The following ADCY6 variants were observed in gnomAD, a reference collection of about 807,000 sequenced individuals.
ADCY6 encodes the protein adenylate cyclase 6.
ADCY6 carries 59 observed loss-of-function variants against 111.6 expected under a neutral mutation model. The observed-to-expected ratio is 0.53, with a 90% CI of 0.43 to 0.66. The LOEUF is 0.66. Among genes scored for constraint, ADCY6 ranks in the 30% least tolerant of loss-of-function variants. The pLI, the probability that ADCY6 is intolerant of heterozygous loss-of-function variation, is 0.00. For synonymous variants in ADCY6, 576 were observed against 642.9 expected, an observed-to-expected ratio of 0.90 and a Z score of 1.57; for missense variants, 1,242 against 1,595.6, an observed-to-expected ratio of 0.78 and a Z score of 3.78.
chr12:48,773,874 C>A, intron 15 of ADCY6, 66 bp downstream of exon 15: 1 of 1,582,468 alleles, frequency 6.3e-7, no homozygotes, highest in Non-Finnish European at 8.6e-7. Flanking sequence ...ATCACCAGGC[C>A]TGGCACAGAA....
Position 48,768,731 on chromosome 12 carries a change from G to A in ADCY6, c.3382-15C>T, listed in dbSNP as rs746646364. 5 of 1,612,984 alleles carry A rather than the reference G, an allele frequency of 3.1e-6. No homozygotes were observed. In the Admixed American group the frequency reaches 6.7e-5, roughly 22 times the overall value. ...TCCGTGGTCACCTGGGGGAGTGGGA[G>A]GGGAGCCCGCTTAGCCTGGAATCCT... On this transcript the variant is annotated splice_polypyrimidine_tract_variant and intron_variant, in intron 21 of 21. Coordinates refer to ENST00000357869, the MANE Select transcript of ADCY6 (RefSeq NM_015270.5).
chr12:48,788,835 C>T (rs539971588), intron 1 of ADCY6, 71 bp downstream of exon 1: 1 of 152,188 alleles, frequency 6.6e-6, no homozygotes, highest in Non-Finnish European at 1.5e-5. Flanking sequence ...TCGAGAGCCG[C>T]TCGGGTGCGT....
Position 48,775,442 on chromosome 12 carries a change from G to A in ADCY6, c.1841C>T (p.Thr614Ile), listed in dbSNP as rs1289673444. ...IDDSSKDNRGTQDALNPEDEV... is the reference protein window; with the variant it reads ...IDDSSKDNRGIQDALNPEDEV... ...ATCCTCAGGGTTCAGGGCATCTTGG[G>A]TGCCCCGGCTGAGGGCAGGAGACAT... Residue 614 changes from threonine to isoleucine, a missense_variant, in exon 11 of 22, where the codon ACC becomes ATC. Thr to Ile is a moderately conservative substitution (Grantham distance 89). Coordinates refer to ENST00000357869, the MANE Select transcript of ADCY6 (RefSeq NM_015270.5). 1.2e-6 allele frequency: 2 copies of A among 1,614,088 alleles called. No homozygotes were observed. The highest frequency in any genetic ancestry group is 8.5e-7 in the Non-Finnish European group (1 of 1,179,998).
At position 48,773,558 on chromosome 12, in the gene ADCY6, G is replaced by C. The variant is rs376570686; in HGVS notation, c.2532C>G (p.Val844=). Residue 844 remains valine (V), a synonymous_variant, in exon 16 of 22, where the codon GTC becomes GTG. Transcript: ENST00000357869. The part of the protein sequence containing the change: ...SSIGKLAMIF[V]LGLIYLVLLL... Reference sequence around the variant, plus strand: ...GCAGCACCAAATAGATGAGCCCCAAGACAAAGATCATGGCCAACTTCCCGA... The same window carrying C: ...GCAGCACCAAATAGATGAGCCCCAACACAAAGATCATGGCCAACTTCCCGA... 2.5e-6 allele frequency: 4 copies of C among 1,614,030 alleles called. No homozygotes were observed. Among genetic ancestry groups the C allele is most frequent in the African/African-American group, 2.7e-5 (2 of 74,920 alleles).
rs764752154 is a variant in ADCY6, at chr12:48,774,683, T to C, written c.2166+8A>G. On this transcript the variant is annotated splice_region_variant and intron_variant, in intron 13 of 21. Coordinates refer to ENST00000357869, the MANE Select transcript of ADCY6 (RefSeq NM_015270.5). ...CTCCCCAACAGCCTCAGAAATCCCC[T>C]TACGTACAGAACCACAGGAGTACAC... The C allele has an allele frequency of 6.2e-7, 1 of 1,613,540 alleles. No homozygotes were observed. Among genetic ancestry groups the C allele is most frequent in the African/African-American group, 1.3e-5 (1 of 74,864 alleles).
chr12:48,783,261 C>T lies in ADCY6; in HGVS notation c.174G>A (p.Ala58=), dbSNP rs1363505692. 1.9e-6 allele frequency: 3 copies of T among 1,611,074 alleles called. No individual in the cohort carries two copies. Among genetic ancestry groups the T allele is most frequent in the Non-Finnish European group, 8.5e-7 (1 of 1,179,282 alleles). The change falls in exon 2 of 22, where the codon GCG becomes GCA. Residue 58 remains alanine, a synonymous_variant. Coordinates refer to ENST00000357869, the MANE Select transcript of ADCY6 (RefSeq NM_015270.5). ...RDAEPPSPTP[A]GPPRCPWQDD... ...CCTGCCAGGGGCACCGAGGGGGGCC[C>T]GCAGGGGTGGGGCTGGGTGGCTCTG...
In ADCY6 at chr12:48,773,456, A is replaced by G; in HGVS notation, c.2621+13T>C. ...AGCTCCTGGGGTATTAAAGGACCTG[A>G]GAATAAACTCACAAGCCATGGACGC... is the stretch of plus-strand genomic sequence containing the variant. On this transcript the variant is annotated intron_variant, in intron 16 of 21. Transcript: ENST00000357869. The G allele has an allele frequency of 1.2e-6, 2 of 1,612,516 alleles. No individual in the cohort carries two copies. The highest frequency in any genetic ancestry group is 2.2e-5 in the South Asian group (2 of 91,034).
Position 48,768,598 on chromosome 12 carries a change from CTGGGGCCCCCA to C in ADCY6, c.3489_3499del (p.Asn1163LysfsTer12). 2.5e-6 allele frequency: 4 copies of C among 1,614,116 alleles called. No homozygotes were observed. The highest frequency in any genetic ancestry group is 3.4e-6 in the Non-Finnish European group (4 of 1,179,998). On this transcript the variant is annotated frameshift_variant, in exon 22 of 22. Coordinates refer to ENST00000357869, the MANE Select transcript of ADCY6 (RefSeq NM_015270.5). LOFTEE classifies it high-confidence loss of function. ...ATTTGTGGCTGGGCCCTGTTAACTG[CTGGGGCCCCCA>C]TTGAGGAAGTAGGTGGTCATCTCCC...
In ADCY6 at chr12:48,770,911, GT is replaced by G; in HGVS notation, c.3110del (p.Tyr1037SerfsTer7). On this transcript the variant is annotated frameshift_variant, in exon 20 of 22. Coordinates refer to ENST00000357869, the MANE Select transcript of ADCY6 (RefSeq NM_015270.5). LOFTEE classifies it high-confidence loss of function. The stretch of plus-strand genomic sequence containing the variant: ...TGGCGTTCAGCCCTGAGGCAGCCAT[GT>G]AGGTGCTACCAATCGTCTTGATCTT... ...LEKIKTIGST[Y>X]MAASGLNAST... is the part of the protein sequence containing the mutation. 6.2e-7 allele frequency: 1 copy of G among 1,614,250 alleles called. No individual in the cohort carries two copies. Among genetic ancestry groups the G allele is most frequent in the Non-Finnish European group, 8.5e-7 (1 of 1,180,052 alleles).
chr12:48,780,343 G>A (rs1941811427), intron 2 of ADCY6, among the ~76,000 whole-genome samples: 1 of 152,156 alleles, frequency 6.6e-6, no homozygotes, highest in African/African-American at 2.4e-5. Flanking sequence ...ATTGTGAGTA[G>A]GGGTGGATCT....
In ADCY6 at chr12:48,768,403, A is replaced by T. The variant is rs369475047; in HGVS notation, c.*188T>A. 8.0e-6 allele frequency: 6 copies of T among 747,086 alleles called. No homozygotes were observed. Among genetic ancestry groups the T allele is most frequent in the South Asian group, 5.1e-5 (3 of 58,366 alleles). The allele number at this position is 747,086 out of a possible 1,614,324, so 46.3% of individuals were successfully genotyped here. On this transcript the variant is annotated 3_prime_UTR_variant, in exon 22 of 22. Coordinates refer to ENST00000357869, the MANE Select transcript of ADCY6 (RefSeq NM_015270.5). ...AAGTCACTTGCATAATCCTCTCGGT[A>T]GGTAGCCCCTTGTTTTCCAGCTTGA...
At chr12:48,778,899 G>C (rs1248661377) in intron 2 of ADCY6, among the ~76,000 whole-genome samples, 1 of 3,686 alleles carries the variant, frequency 2.7e-4, no homozygotes, top group Non-Finnish European at 9.3e-4. Context: ...TTTTTTTTTT[G>C]ACAGAGCCTT....
Position 48,777,646 on chromosome 12 carries a change from T to C in ADCY6, c.1105A>G (p.Lys369Glu). 6.2e-7 allele frequency: 1 copy of C among 1,613,732 alleles called. No homozygotes were observed. Among genetic ancestry groups the C allele is most frequent in the Non-Finnish European group, 8.5e-7 (1 of 1,179,904 alleles). ...TTGTCATGCTTCTGTATGTAGATCT[T>C]GTGGAACATCATGTCTTCTTTTTTT... ...NTKKEDMMFH[K>E]IYIQKHDNVS... Residue 369 changes from lysine (K) to glutamate (E), a missense_variant, in exon 4 of 22, where the codon AAG (lysine) becomes GAG (glutamate). This residue lies in a region of ADCY6 where 260 missense variants were observed against 414.6 expected (regional missense o/e 0.63). Coordinates refer to ENST00000357869, the MANE Select transcript of ADCY6 (RefSeq NM_015270.5). This position sits in a 1 kb window ranked among gnomAD's most constrained non-coding sequence, Gnocchi z 4.9.
In ADCY6 at chr12:48,772,489, C is replaced by A; in HGVS notation, c.2657+19G>T. On this transcript the variant is annotated intron_variant, in intron 17 of 21. Coordinates refer to ENST00000357869, the MANE Select transcript of ADCY6 (RefSeq NM_015270.5). ...CATCTAATGGCTCTACCCTTTGCTG[C>A]CTCGGAGCCCTCACTTACCAGTCCA... is the stretch of plus-strand genomic sequence containing the variant. The A allele has an allele frequency of 6.2e-7, 1 of 1,614,216 alleles. No individual in the cohort carries two copies. Among genetic ancestry groups the A allele is most frequent in the African/African-American group, 1.3e-5 (1 of 75,048 alleles).
chr12:48,772,254 C>A, intron 18 of ADCY6, 41 bp downstream of exon 18: 1 of 1,581,068 alleles, frequency 6.3e-7, no homozygotes, highest in Admixed American at 1.8e-5. Context: ...CAGGCTCCGC[C>A]CCTAGGTTCC....
Position 48,771,343 on chromosome 12 carries a change from TC to T in ADCY6, c.3051+366del, listed in dbSNP as rs1027296303. 1.3e-4 allele frequency: 65 copies of T among 483,830 alleles called. No individual in the cohort carries two copies. Among genetic ancestry groups the T allele is most frequent in the African/African-American group, 9.3e-4 (48 of 51,388 alleles). 30.0% of individuals were successfully genotyped at this position (483,830 alleles called of 1,614,324 possible). ...TGATCTGGATGTTCAGGACACTACCTCACATTTTGCTTCAATTTTCTCTATT... is the reference window on the plus strand; with the variant it reads ...TGATCTGGATGTTCAGGACACTACCTACATTTTGCTTCAATTTTCTCTATT... On this transcript the variant is annotated intron_variant, in intron 19 of 21. Coordinates refer to ENST00000357869, the MANE Select transcript of ADCY6 (RefSeq NM_015270.5). The surrounding 1 kb of genome is among the most constrained non-coding windows in gnomAD (Gnocchi z 4.3).
At chr12:48,770,381 C>T (rs1941503194) in intron 20 of ADCY6, among the ~76,000 whole-genome samples, 1 of 152,126 alleles carries the variant, frequency 6.6e-6, no homozygotes, top group Non-Finnish European at 1.5e-5. Context: ...CTCCCATCCA[C>T]CAGTTCATTT....
In ADCY6 at chr12:48,774,088, T is replaced by A. The variant is rs748004917; in HGVS notation, c.2294A>T (p.Asn765Ile). ...TSAIANMFTC[N>I]HTPIRSCAAR... Reference sequence around the variant, plus strand: ...TGCACAGCTCCGTATGGGGGTGTGGTTACAGGTGAACTGCAAAAGTGGAGG... The same window carrying A: ...TGCACAGCTCCGTATGGGGGTGTGGATACAGGTGAACTGCAAAAGTGGAGG... The change falls in exon 15 of 22, where the codon AAC becomes ATC. Residue 765 changes from asparagine to isoleucine, a missense_variant. Coordinates refer to ENST00000357869, the MANE Select transcript of ADCY6 (RefSeq NM_015270.5). 6.2e-7 allele frequency: 1 copy of A among 1,608,240 alleles called. No individual in the cohort carries two copies. The highest frequency in any genetic ancestry group is 8.5e-7 in the Non-Finnish European group (1 of 1,177,154).
intron 1 of ADCY6, among the ~76,000 whole-genome samples, chr12:48,788,443 C>T (rs1400241439): frequency 2.0e-5 from 3 of 152,270 alleles, no homozygotes; most frequent in East Asian, 1.9e-4. Flanking sequence ...GAGCCGACCC[C>T]ACCCCTTTCA....
Sources: gnomAD v4.1 joint callset for allele counts (sites outside exome capture counted in the v4.1 genomes callset) on GRCh38, gnomAD v4.1.1 for gene constraint, gnomAD v4.1.1 regional missense constraint, Gnocchi (gnomAD v3.1) non-coding constraint, MANE v1.5 for transcripts, NCBI Gene and HGNC (gene_info 2026-07-23, HGNC 2026-07-21) for gene names.